Variants in GNRHR observed in about 807,000 individuals in gnomAD.
GNRHR encodes gonadotropin releasing hormone receptor.
GNRHR carries 14 observed loss-of-function variants against 28.1 expected under a neutral mutation model. The observed-to-expected ratio is 0.50, with a 90% CI of 0.33 to 0.78. The LOEUF (loss-of-function observed/expected upper bound fraction) is 0.78. Among genes scored for constraint, GNRHR ranks in the 30% least tolerant of loss-of-function variants. The pLI, the probability that GNRHR is intolerant of heterozygous loss-of-function variation, is 0.02. For missense variants in GNRHR, 366 were observed against 382.1 expected (o/e 0.96, Z 0.35); for synonymous variants, 141 against 140.5 (o/e 1.00, Z -0.02).
At chr4:67,746,914 A>G (rs1267908897) in intron 1 of GNRHR, among the ~76,000 whole-genome samples, 1 of 152,058 alleles carries the variant, frequency 6.6e-6, no homozygotes, top group Non-Finnish European at 1.5e-5. Context: ...TAATTTTACT[A>G]TCACTCCAGT....
chr4:67,745,937 A>G lies in GNRHR; in HGVS notation c.523-1150T>C, dbSNP rs576957237. ...TCAATATCATGAAACACAAAGAAAG[A>G]CTGAGAAATGGTTCCAGCTAAAAGA... On this transcript the variant is annotated intron_variant, in intron 1 of 2. Transcript: ENST00000226413. Among the ~76,000 whole-genome samples, 5 of 152,228 alleles carry G rather than the reference A, an allele frequency of 3.3e-5. 2 individuals are homozygous for G. Among genetic ancestry groups the G allele is most frequent in the African/African-American group, 1.2e-4 (5 of 41,570 alleles).
rs888347260 is a variant in GNRHR at position 67,738,838 on chromosome 4, A to G, written c.*1642T>C. Among the ~76,000 whole-genome samples, 1 of 152,018 alleles carries G rather than the reference A, an allele frequency of 6.6e-6. No individual in the cohort carries two copies. The highest frequency in any genetic ancestry group is 1.5e-5 in the Non-Finnish European group (1 of 67,892). On this transcript the variant is annotated 3_prime_UTR_variant, in exon 3 of 3. Transcript: ENST00000226413. ...GTATGAGTTTAATGGAAAAGAAGCTATGAATGAAAGAGTGAGTAGACAGAG... is the reference window on the plus strand; with the variant it reads ...GTATGAGTTTAATGGAAAAGAAGCTGTGAATGAAAGAGTGAGTAGACAGAG...
At chr4:67,749,693 T>C (rs1443667404) in intron 1 of GNRHR, among the ~76,000 whole-genome samples, 1 of 144,708 alleles carries the variant, frequency 6.9e-6, no homozygotes, top group Non-Finnish European at 1.5e-5. Context: ...CTCCTTTCCT[T>C]CGTTCCTTCC....
intron 1 of GNRHR, among the ~76,000 whole-genome samples, chr4:67,752,758 C>A (rs908052487): frequency 3.3e-5 from 5 of 151,486 alleles, no homozygotes; most frequent in South Asian, 2.1e-4. Flanking sequence ...AGTTATCCAG[C>A]TTTCTAGTGT....
chr4:67,742,341 T>C (rs1211961718), intron 2 of GNRHR, among the ~76,000 whole-genome samples: 1 of 152,240 alleles, frequency 6.6e-6, no homozygotes, highest in African/African-American at 2.4e-5. Flanking sequence ...TTGTTTGCTT[T>C]GTGAATTCTG....
At position 67,740,631 on chromosome 4, in the gene GNRHR, C is replaced by T. The variant is rs763161932; in HGVS notation, c.836G>A (p.Cys279Tyr). ...TCCTAGGACATAGTAGGGAGTCCAG[C>T]AGACAGTAAATGAAGTGGCAAATGC... ...TVAFATSFTV[C>Y]WTPYYVLGIW... is the part of the protein sequence containing the mutation. Residue 279 changes from cysteine (C) to tyrosine (Y), a missense_variant, in exon 3 of 3, where the codon TGC becomes TAC. Cys to Tyr is a radical substitution (Grantham distance 194). Coordinates refer to ENST00000226413, the MANE Select transcript of GNRHR (RefSeq NM_000406.3). The T allele has an allele frequency of 1.9e-5, 31 of 1,612,134 alleles. No individual in the cohort carries two copies. The South Asian group carries it at 3.4e-4, about 18-fold the overall frequency.
chr4:67,744,498 T>C (rs1731718871), intron 2 of GNRHR, 70 bp downstream of exon 2: 3 of 870,064 alleles, frequency 3.4e-6, no homozygotes, highest in South Asian at 2.7e-5. Context: ...ACATAGTTCA[T>C]GCCACTCTGT....
intron 1 of GNRHR, among the ~76,000 whole-genome samples, chr4:67,752,088 A>G (rs748492673): frequency 1.2e-3 from 184 of 152,050 alleles, no homozygotes; most frequent in Admixed American, 4.2e-3. Flanking sequence ...TTTACTATCT[A>G]TTCTCTTTGA....
In GNRHR at chr4:67,754,342, C is replaced by G. The variant is rs750934936; in HGVS notation, c.-7G>C. The stretch of plus-strand genomic sequence containing the variant: ...GAGAGGCACTGTTTGCCATATTTTC[C>G]CAGGACAGAGCTTCAAGCCTTGTGT... On this transcript the variant is annotated 5_prime_UTR_variant, in exon 1 of 3. Transcript: ENST00000226413. The G allele has an allele frequency of 1.9e-6, 3 of 1,606,884 alleles. No individual in the cohort carries two copies. In the Admixed American group the frequency reaches 5.0e-5, roughly 27 times the overall value.
chr4:67,741,768 T>C (rs891133075), intron 2 of GNRHR, among the ~76,000 whole-genome samples: 2 of 152,218 alleles, frequency 1.3e-5, no homozygotes, highest in African/African-American at 4.8e-5. Context: ...TGGTATCACA[T>C]TGTGGTTTTG....
rs1158118393 is a variant in GNRHR at position 67,738,977 on chromosome 4, A to G, written c.*1503T>C. 6.6e-6 allele frequency among the ~76,000 whole-genome samples: 1 copy of G among 152,060 alleles called. No individual in the cohort carries two copies. The highest frequency in any genetic ancestry group is 1.5e-5 in the Non-Finnish European group (1 of 67,914). The stretch of plus-strand genomic sequence containing the variant: ...AAATCAAAGAAAGAAAGGACGTGCC[A>G]TTAGTTGGCAATTTGCTTTCCATAA... On this transcript the variant is annotated 3_prime_UTR_variant, in exon 3 of 3. Transcript: ENST00000226413.
intron 1 of GNRHR, among the ~76,000 whole-genome samples, chr4:67,746,427 G>A (rs1560517931): frequency 1.3e-5 from 2 of 151,912 alleles, no homozygotes; most frequent in Admixed American, 6.6e-5. Context: ...ATAAATTCTA[G>A]TGGACATTTA....
At position 67,739,069 on chromosome 4, in the gene GNRHR, A is replaced by G. The variant is rs1267157875; in HGVS notation, c.*1411T>C. ...TTTTGTGGCAGTACATAGCTCATAT[A>G]AATATAATGGTATCTTACCTATTTA... On this transcript the variant is annotated 3_prime_UTR_variant, in exon 3 of 3. Coordinates refer to ENST00000226413, the MANE Select transcript of GNRHR (RefSeq NM_000406.3). Among the ~76,000 whole-genome samples, 1 of 151,998 alleles carries G rather than the reference A, an allele frequency of 6.6e-6. No individual in the cohort carries two copies. Among genetic ancestry groups the G allele is most frequent in the African/African-American group, 2.4e-5 (1 of 41,426 alleles).
intron 2 of GNRHR, among the ~76,000 whole-genome samples, chr4:67,743,139 G>T (rs751272931): frequency 2.0e-5 from 3 of 151,996 alleles, no homozygotes; most frequent in Admixed American, 1.3e-4. Context: ...TTTTGGTAGA[G>T]ACAGGTTTCA....
intron 1 of GNRHR, among the ~76,000 whole-genome samples, chr4:67,753,033 T>C (rs1731900209): frequency 6.6e-6 from 1 of 152,248 alleles, no homozygotes; most frequent in Admixed American, 6.5e-5. Flanking sequence ...TTCGGGGATC[T>C]GATTGTTAAA....
chr4:67,745,089 A>G (rs1731731041), intron 1 of GNRHR, among the ~76,000 whole-genome samples: 1 of 152,178 alleles, frequency 6.6e-6, no homozygotes, highest in Non-Finnish European at 1.5e-5. Flanking sequence ...TATGCTGAGT[A>G]AACTTTTTGC....
In GNRHR at chr4:67,740,638, T is replaced by C; in HGVS notation, c.829A>G (p.Thr277Ala). 1 of 1,611,240 alleles carries C rather than the reference T, an allele frequency of 6.2e-7. No homozygotes were observed. Among genetic ancestry groups the C allele is most frequent in the Non-Finnish European group, 8.5e-7 (1 of 1,177,342 alleles). Residue 277 changes from threonine to alanine, a missense_variant, in exon 3 of 3, where the codon ACT becomes GCT. Thr to Ala is a moderately conservative substitution (Grantham distance 58, BLOSUM62 0). Coordinates refer to ENST00000226413, the MANE Select transcript of GNRHR (RefSeq NM_000406.3). ...ACATAGTAGGGAGTCCAGCAGACAG[T>C]AAATGAAGTGGCAAATGCAACCGTC... ...KMTVAFATSF[T>A]VCWTPYYVLG... is the part of the protein sequence containing the mutation.
At chr4:67,749,755 C>T (rs1731833951) in intron 1 of GNRHR, among the ~76,000 whole-genome samples, 1 of 151,296 alleles carries the variant, frequency 6.6e-6, no homozygotes, top group South Asian at 2.1e-4. Flanking sequence ...TATACGATAC[C>T]TCCAAGACTT....
intron 2 of GNRHR, among the ~76,000 whole-genome samples, chr4:67,743,593 A>T (rs971511706): frequency 6.6e-6 from 1 of 152,186 alleles, no homozygotes; most frequent in Non-Finnish European, 1.5e-5. Flanking sequence ...ATGTGTTCAT[A>T]ATATTTATTG....
Sources: allele counts gnomAD v4.1 joint callset (sites outside exome capture counted in the v4.1 genomes callset), GRCh38; gene constraint gnomAD v4.1.1; transcripts MANE v1.5; gene names NCBI Gene and HGNC (gene_info 2026-07-23, HGNC 2026-07-21).